Variants in MYO1A observed in about 807,000 individuals in gnomAD.
MYO1A encodes the protein myosin IA.
Under a neutral mutation model 138.5 loss-of-function variants are expected in MYO1A, and 127 were observed. That is an observed-to-expected ratio of 0.92 (90% CI 0.79 to 1.06). The LOEUF (loss-of-function observed/expected upper bound fraction) is 1.06. Ranked by LOEUF, MYO1A falls within the 50% of genes least tolerant of loss-of-function variation. The pLI, the probability that MYO1A is intolerant of heterozygous loss-of-function variation, is 0.00. For synonymous variants in MYO1A, 477 were observed against 497.5 expected (o/e 0.96, Z 0.55); for missense variants, 1,211 against 1,288.8 (o/e 0.94, Z 0.92).
intron 24 of MYO1A, 24 bp from the exon 25 acceptor site, chr12:57,029,896 A>T (rs1391901964): frequency 1.2e-6 from 2 of 1,614,096 alleles, no homozygotes; most frequent in East Asian, 4.5e-5. Flanking sequence ...GGAGGTGTGC[A>T]GCGCGACAAG....
chr12:57,049,250 A>T (rs2031250324), intron 1 of MYO1A, among the ~76,000 whole-genome samples: 1 of 152,174 alleles, frequency 6.6e-6, no homozygotes, highest in Non-Finnish European at 1.5e-5. Flanking sequence ...TAAGGAGGAA[A>T]CCTGGCCCTC....
At chr12:57,047,258 G>A in intron 5 of MYO1A, 45 bp downstream of exon 5, 2 of 1,590,660 alleles carry the variant, frequency 1.3e-6, no homozygotes, top group Non-Finnish European at 1.7e-6. Flanking sequence ...CAGTGATTCT[G>A]GGGGTTAGAT....
Position 57,043,325 on chromosome 12 carries a change from T to A in MYO1A, c.926A>T (p.Asn309Ile), listed in dbSNP as rs143332785. The A allele has an allele frequency of 1.9e-6, 3 of 1,614,062 alleles. No individual in the cohort carries two copies. The highest frequency in any genetic ancestry group is 2.7e-5 in the African/African-American group (2 of 74,928). The change falls in exon 11 of 28, where the codon AAT becomes ATT. Residue 309 changes from asparagine to isoleucine, a missense_variant. By Grantham distance (149) the Asn-to-Ile change is moderately radical. Transcript: ENST00000300119. ...CAAAGCTCTCTCTACTTCTTCTGAATTCAAGCCCACCATCTCCCCAATCTC... is the reference window on the plus strand; with the variant it reads ...CAAAGCTCTCTCTACTTCTTCTGAAATCAAGCCCACCATCTCCCCAATCTC... ...VREIGEMVGLNSEEVERALCS... is the reference protein window; with the variant it reads ...VREIGEMVGLISEEVERALCS...
chr12:57,036,731 G>A, intron 21 of MYO1A, 41 bp downstream of exon 21: 1 of 1,608,826 alleles, frequency 6.2e-7, no homozygotes, highest in Non-Finnish European at 8.5e-7. Context: ...CACAATCCAG[G>A]AGAAACAATG....
chr12:57,041,186 C>G lies in MYO1A; in HGVS notation c.1267G>C (p.Glu423Gln). 1 of 1,610,672 alleles carries G rather than the reference C, an allele frequency of 6.2e-7. No homozygotes were observed. Among genetic ancestry groups the G allele is most frequent in the South Asian group, 1.1e-5 (1 of 91,000 alleles). Residue 423 changes from glutamate to glutamine, a missense_variant and splice_region_variant, in exon 14 of 28, where the codon GAA (glutamate) becomes CAA (glutamine). Transcript: ENST00000300119. ...GAAGTAGAAAAGACTTGGTTTACTT[C>G]TCTCTTATATTCCTCTTGCTCTTCT... ...LKEEQEEYKREGIPWTKVDYF... is the reference protein window; with the variant it reads ...LKEEQEEYKRQGIPWTKVDYF...
rs141658242 is a variant in MYO1A, at chr12:57,048,275, C to G, written c.49G>C (p.Glu17Gln). Residue 17 changes from glutamate (E) to glutamine (Q), a missense_variant, in exon 2 of 28, where the codon GAA becomes CAA. Transcript: ENST00000300119. Reference sequence around the variant, plus strand: ...AGCAGTGACTCCTCCACCAAGGGTTCCAGGAGGACAAGATCCTCCACCCCC... The same window carrying G: ...AGCAGTGACTCCTCCACCAAGGGTTGCAGGAGGACAAGATCCTCCACCCCC... Reference protein sequence around the residue: ...SVGVEDLVLLEPLVEESLLKN... With the variant: ...SVGVEDLVLLQPLVEESLLKN... 6.0e-4 allele frequency: 966 copies of G among 1,614,164 alleles called. 5 individuals carry two copies. In the African/African-American group the frequency reaches 0.011, roughly 19 times the overall value.
At position 57,046,575 on chromosome 12, in the gene MYO1A, G is replaced by A. The variant is rs139920718; in HGVS notation, c.617C>T (p.Ala206Val). 2.5e-6 allele frequency: 4 copies of A among 1,613,794 alleles called. No individual in the cohort carries two copies. The African/African-American group carries it at 4.0e-5, about 16-fold the overall frequency. The change falls in exon 8 of 28, where the codon GCT (alanine) becomes GTT (valine). Residue 206 changes from alanine to valine, a missense_variant. Ala to Val is a moderately conservative substitution (Grantham distance 64, BLOSUM62 0). Coordinates refer to ENST00000300119, the MANE Select transcript of MYO1A (RefSeq NM_005379.4). The stretch of plus-strand genomic sequence containing the variant: ...ACTCAGCAGCTGTTCATCTGCTCCA[G>A]CCAGCAGCTGATAGAAGATGTGGAA... ...RNFHIFYQLL[A>V]GADEQLLKAL...
chr12:57,047,940 T>C (rs1320786837), intron 3 of MYO1A, 49 bp downstream of exon 3: 1 of 1,587,096 alleles, frequency 6.3e-7, no homozygotes, highest in East Asian at 2.3e-5. Flanking sequence ...GATGACTCAG[T>C]GTCAAGAAGC....
At position 57,041,244 on chromosome 12, in the gene MYO1A, C is replaced by T; in HGVS notation, c.1209G>A (p.Lys403=). Residue 403 remains lysine (K), a synonymous_variant, in exon 14 of 28, where the codon AAG becomes AAA. Transcript: ENST00000300119. ...TCATCTCTATGAACACCTGCTGCAG[C>T]TTCTCATTGCAGTAGTTGATCACAA... is the stretch of plus-strand genomic sequence containing the variant. ...EQFVINYCNE[K]LQQVFIEMTL... is the part of the protein sequence containing the mutation. 6.2e-7 allele frequency: 1 copy of T among 1,614,092 alleles called. No individual in the cohort carries two copies. Among genetic ancestry groups the T allele is most frequent in the Non-Finnish European group, 8.5e-7 (1 of 1,180,026 alleles).
At chr12:57,050,457 G>A (rs890597840), upstream of MYO1A, among the ~76,000 whole-genome samples, 7 of 152,178 alleles carry the variant, frequency 4.6e-5, no homozygotes, top group African/African-American at 7.2e-5. Context: ...AGGCCAAGGC[G>A]GGAGGATCAC....
chr12:57,035,295 A>T (rs1191276942), intron 22 of MYO1A, among the ~76,000 whole-genome samples: 1 of 152,258 alleles, frequency 6.6e-6, no homozygotes, highest in East Asian at 1.9e-4. Context: ...CTCTGGCACC[A>T]GCACAAGAGG....
intron 10 of MYO1A, 77 bp downstream of exon 10, chr12:57,043,779 A>C: frequency 5.9e-5 from 94 of 1,582,238 alleles, no homozygotes; most frequent in Non-Finnish European, 7.5e-5. Context: ...CAATTATGCT[A>C]GAGATGGTAG....
In MYO1A at chr12:57,046,858, C is replaced by T. The variant is rs373928612; in HGVS notation, c.541+5G>A. On this transcript the variant is annotated splice_donor_5th_base_variant and intron_variant, in intron 7 of 27. Transcript: ENST00000300119. ...ACAGGTGAGTGGAATTGGGGAGACA[C>T]GTACAGTTTGTGATGACACCACCGA... The T allele has an allele frequency of 7.3e-5, 117 of 1,613,610 alleles. No homozygotes were observed. Among genetic ancestry groups the T allele is most frequent in the Non-Finnish European group, 8.8e-5 (104 of 1,179,758 alleles).
rs375163634 is a variant in MYO1A at position 57,039,179 on chromosome 12, G to A, written c.1332+33C>T. ...AAGGATGTTCAGGCAGTCTGGAAGG[G>A]GAAGTCCCACAGATAAGAGAATGAC... On this transcript the variant is annotated intron_variant, in intron 15 of 27. Transcript: ENST00000300119. The A allele has an allele frequency of 1.4e-4, 225 of 1,604,916 alleles. No individual in the cohort carries two copies. The Middle Eastern group carries it at 2.0e-3, about 14-fold the overall frequency.
chr12:57,036,744 A>G (rs776887943), intron 21 of MYO1A, 28 bp downstream of exon 21: 4 of 1,611,450 alleles, frequency 2.5e-6, no homozygotes, highest in Middle Eastern at 1.7e-4. Context: ...AAACAATGTG[A>G]GGAAACCTCT....
rs574637413 is a variant in MYO1A at position 57,033,924 on chromosome 12, G to A, written c.2349+2383C>T. 1.2e-4 allele frequency among the ~76,000 whole-genome samples: 18 copies of A among 152,330 alleles called. No homozygotes were observed. In the South Asian group the frequency reaches 1.5e-3, roughly 12 times the overall value. Reference sequence around the variant, plus strand: ...TGGTGGGTTTGGGATCTGGGCCTGTGAAGGCCTCCAAGACTGGAGTCCCCA... The same window carrying A: ...TGGTGGGTTTGGGATCTGGGCCTGTAAAGGCCTCCAAGACTGGAGTCCCCA... On this transcript the variant is annotated intron_variant, in intron 22 of 27. Transcript: ENST00000300119.
chr12:57,032,707 A>G (rs1277889438), intron 22 of MYO1A, among the ~76,000 whole-genome samples: 1 of 152,180 alleles, frequency 6.6e-6, no homozygotes, highest in Admixed American at 6.5e-5. Context: ...AAGGGTGGCC[A>G]GAATCACTTG....
chr12:57,029,037 T>G, intron 27 of MYO1A, 95 bp downstream of exon 27: 1 of 1,610,372 alleles, frequency 6.2e-7, no homozygotes, highest in South Asian at 1.1e-5. Flanking sequence ...CGGCCTGCAC[T>G]GCCCTACATG....
At chr12:57,036,418 A>G (rs370500647) in intron 21 of MYO1A, 37 bp from the exon 22 acceptor site, 17 of 1,592,380 alleles carry the variant, frequency 1.1e-5, no homozygotes, top group Middle Eastern at 1.7e-4. Context: ...CAAAGTGAAG[A>G]TAGGCAGATT....
Sources: gnomAD v4.1 joint callset for allele counts (sites outside exome capture counted in the v4.1 genomes callset) on GRCh38, gnomAD v4.1.1 for gene constraint, MANE v1.5 for transcripts, NCBI Gene and HGNC (gene_info 2026-07-23, HGNC 2026-07-21) for gene names.